Variants in SLC4A9 observed in about 807,000 individuals in gnomAD.
SLC4A9 encodes the protein solute carrier family 4 member 9.
A neutral mutation model predicts 103.2 loss-of-function variants in SLC4A9; 102 were observed. The observed-to-expected ratio is 0.99, with a 90% CI of 0.84 to 1.17. The LOEUF (loss-of-function observed/expected upper bound fraction) is 1.17. SLC4A9 is among the 50% of genes most tolerant of loss of function. The pLI is 0.00. For missense variants in SLC4A9, 1,091 were observed against 1,193.7 expected (o/e 0.91, Z 1.27); for synonymous variants, 453 against 483.6 (o/e 0.94, Z 0.83).
At chr5:140,368,444 C>T (rs1768215599) in intron 16 of SLC4A9, 143 bp from the exon 17 acceptor site, 2 of 606,138 alleles carry the variant, frequency 3.3e-6, no homozygotes, top group African/African-American at 1.9e-5. Flanking sequence ...AAGCTAAGGG[C>T]TCATCCCTCT....
intron 21 of SLC4A9, among the ~76,000 whole-genome samples, chr5:140,373,572 T>A (rs1386516529): frequency 6.6e-6 from 1 of 152,126 alleles, no homozygotes; most frequent in East Asian, 1.9e-4. Context: ...GGGTGTTCCA[T>A]TTCTAAGAGG....
At position 140,368,456 on chromosome 5, in the gene SLC4A9, G is replaced by C. The variant is rs146748039; in HGVS notation, c.2355-131G>C. The C allele has an allele frequency of 6.9e-3, 4,500 of 649,016 alleles. 35 individuals are homozygous for C. The highest frequency in any genetic ancestry group is 7.4e-3 in the Middle Eastern group (17 of 2,284). The allele number at this position is 649,016 out of a possible 1,614,324, so 40.2% of individuals were successfully genotyped here. ...ATCAAGCTAAGGGCTCATCCCTCTG[G>C]GTGACCTACTGGGGTATTCCTCTAG... On this transcript the variant is annotated intron_variant, in intron 16 of 21. Coordinates refer to ENST00000506757, the MANE Select transcript of SLC4A9 (RefSeq NM_031467.3).
intron 18 of SLC4A9, 34 bp downstream of exon 18, chr5:140,371,197 A>G: frequency 6.3e-7 from 1 of 1,582,698 alleles, no homozygotes; most frequent in Non-Finnish European, 8.6e-7. Flanking sequence ...CAAAAGAAAA[A>G]AGAAGAATAA....
In SLC4A9 at chr5:140,363,797, C is replaced by T. The variant is rs1187789370; in HGVS notation, c.1149C>T (p.Ala383=). The part of the protein sequence containing the change: ...VPWYPSDFLD[A]LHLQCFSAVL... ...GGTACCCCAGCGATTTCTTGGACGC[C>T]CTGCATCTCCAGTGCTTCTCGGCCG... The change falls in exon 9 of 22, where the codon GCC becomes GCT. Residue 383 remains alanine, a synonymous_variant. Transcript: ENST00000506757. The surrounding 1 kb of genome is among the most constrained non-coding windows in gnomAD (Gnocchi z 4.5). 6.2e-7 allele frequency: 1 copy of T among 1,613,958 alleles called. No homozygotes were observed. Among genetic ancestry groups the T allele is most frequent in the East Asian group, 2.2e-5 (1 of 44,876 alleles).
At chr5:140,368,563 G>A in intron 16 of SLC4A9, 24 bp from the exon 17 acceptor site, 1 of 1,608,764 alleles carries the variant, frequency 6.2e-7, no homozygotes, top group Non-Finnish European at 8.5e-7. Context: ...CCAGACCTCA[G>A]CTAACTCCTC....
In SLC4A9 at chr5:140,361,434, C is replaced by G. The variant is rs1767071908; in HGVS notation, c.505+67C>G. The G allele has an allele frequency of 8.5e-6, 11 of 1,295,794 alleles. No individual in the cohort carries two copies. In the South Asian group the frequency reaches 1.5e-4, roughly 17 times the overall value. The allele number at this position is 1,295,794 out of a possible 1,614,324, so 80.3% of individuals were successfully genotyped here. On this transcript the variant is annotated intron_variant, in intron 3 of 21. Transcript: ENST00000506757. ...GGCAGGGTCTCAGATCTCCCCTGCA[C>G]CTTCCAGGGCTAGAAGTAGCCCAGG...
rs751158024 is a variant in SLC4A9, at chr5:140,365,956, CCTTA to C, written c.1837_1840del (p.Thr613LeufsTer11). On this transcript the variant is annotated frameshift_variant, in exon 13 of 22. Coordinates refer to ENST00000506757, the MANE Select transcript of SLC4A9 (RefSeq NM_031467.3). LOFTEE classifies it high-confidence loss of function. ...TTGCCTTCTTCTCCCTTCTCCTCTT[CCTTA>C]CTTCTTTCTTCTTTGCTATGGCCCT... The C allele has an allele frequency of 2.5e-6, 4 of 1,613,920 alleles. No individual in the cohort carries two copies. Among genetic ancestry groups the C allele is most frequent in the African/African-American group, 1.3e-5 (1 of 74,952 alleles).
chr5:140,364,316 A>G, intron 10 of SLC4A9, 47 bp from the exon 11 acceptor site: 1 of 1,608,138 alleles, frequency 6.2e-7, no homozygotes, highest in Non-Finnish European at 8.5e-7. Flanking sequence ...TTTAGTGGGA[A>G]GCAGACAGCC....
chr5:140,373,468 G>T (rs1040426520), intron 21 of SLC4A9, among the ~76,000 whole-genome samples: 70 of 152,266 alleles, frequency 4.6e-4, no homozygotes, highest in African/African-American at 1.6e-3. Flanking sequence ...GGAATAACAG[G>T]GGCCATGGGA....
At chr5:140,374,567 A>AC (rs1769227915) in intron 21 of SLC4A9, among the ~76,000 whole-genome samples, 1 of 150,912 alleles carries the variant, frequency 6.6e-6, no homozygotes, top group Admixed American at 6.6e-5. Flanking sequence ...AAAAAAAAAA[A>AC]AAAAAAAAGC....
rs1189562192 is a variant in SLC4A9, at chr5:140,365,577, T to G, written c.1709T>G (p.Met570Arg). 6.2e-7 allele frequency: 1 copy of G among 1,611,360 alleles called. No individual in the cohort carries two copies. The highest frequency in any genetic ancestry group is 1.1e-5 in the South Asian group (1 of 90,470). ...RPKDRDDIVS[M>R]DLGLINASLL... ...AAAGACAGAGACGACATTGTAAGCA[T>G]GGTGAGGGACTGCTCCTGGGAGGTT... Residue 570 changes from methionine (M) to arginine (R), a missense_variant and splice_region_variant, in exon 12 of 22, where the codon ATG (methionine) becomes AGG (arginine). Met to Arg is a moderately conservative substitution (Grantham distance 91, BLOSUM62 -1). Transcript: ENST00000506757.
chr5:140,365,467 G>A (rs750331582), intron 11 of SLC4A9, 53 bp from the exon 12 acceptor site: 832 of 1,520,062 alleles, frequency 5.5e-4, no homozygotes, highest in East Asian at 7.0e-4. Context: ...TATGGGGCTG[G>A]AGGAGGTTCC....
chr5:140,361,043 C>G (rs1489443813), intron 2 of SLC4A9, 71 bp downstream of exon 2: 8 of 1,417,528 alleles, frequency 5.6e-6, no homozygotes, highest in South Asian at 1.4e-5. Context: ...CCTCCAAAGT[C>G]TTGAAATCTT....
intron 17 of SLC4A9, 88 bp from the exon 18 acceptor site, chr5:140,371,007 T>C (rs1381446121): frequency 1.7e-6 from 2 of 1,174,446 alleles, no homozygotes; most frequent in Non-Finnish European, 1.2e-6. Flanking sequence ...TGCTAGATGC[T>C]AGAGGGATCT....
intron 6 of SLC4A9, 78 bp downstream of exon 6, chr5:140,362,610 GGGCTCA>G: frequency 1.6e-5 from 22 of 1,377,530 alleles, no homozygotes; most frequent in Non-Finnish European, 2.1e-5. Context: ...ATACATGCAT[GGGCTCA>G]TGTGAGTGTG....
Position 140,360,401 on chromosome 5 carries a change from G to C in SLC4A9, c.165G>C (p.Leu55=). 1 of 1,602,968 alleles carries C rather than the reference G, an allele frequency of 6.2e-7. No individual in the cohort carries two copies. The highest frequency in any genetic ancestry group is 8.5e-7 in the Non-Finnish European group (1 of 1,174,544). Residue 55 remains leucine (L), a synonymous_variant, in exon 1 of 22, where the codon CTG becomes CTC. Coordinates refer to ENST00000506757, the MANE Select transcript of SLC4A9 (RefSeq NM_031467.3). The stretch of plus-strand genomic sequence containing the variant: ...AACTGGGAGTACCCAAAGACCCTCT[G>C]CTCTTCATTCAGCTGAATGAGCTGC... ...SKELGVPKDP[L]LFIQLNELLG...
chr5:140,372,503 G>C, intron 20 of SLC4A9, 106 bp downstream of exon 20: 3 of 1,523,050 alleles, frequency 2.0e-6, no homozygotes, highest in East Asian at 4.8e-5. Context: ...CCGCAGATCT[G>C]ATCAACAGTC....
In SLC4A9 at chr5:140,363,029, A is replaced by G. The variant is rs1767335589; in HGVS notation, c.925A>G (p.Ile309Val). Reference protein sequence around the residue: ...PPGRWDPTARIPPPKCLPSQH... With the variant: ...PPGRWDPTARVPPPKCLPSQH... The stretch of plus-strand genomic sequence containing the variant: ...AGGTCGGTGGGACCCAACAGCCCGG[A>G]TTCCCCCGCCCAAATGTCTGCCATC... The change falls in exon 7 of 22, where the codon ATT (isoleucine) becomes GTT (valine). Residue 309 changes from isoleucine (I) to valine (V), a missense_variant. Coordinates refer to ENST00000506757, the MANE Select transcript of SLC4A9 (RefSeq NM_031467.3). The surrounding 1 kb of genome is among the most constrained non-coding windows in gnomAD (Gnocchi z 4.5). The G allele has an allele frequency of 6.2e-7, 1 of 1,613,102 alleles. No homozygotes were observed. The highest frequency in any genetic ancestry group is 1.3e-5 in the African/African-American group (1 of 74,798).
chr5:140,372,259 G>T lies in SLC4A9; in HGVS notation c.2688G>T (p.Gly896=). 6.4e-7 allele frequency: 1 copy of T among 1,568,198 alleles called. No individual in the cohort carries two copies. The highest frequency in any genetic ancestry group is 1.2e-5 in the South Asian group (1 of 83,866). The part of the protein sequence containing the change: ...IFPLMLLGLV[G]VRKALERVFS... ...TCCTGCAGTTGCTGGGCCTTGTGGGGGTCCGAAAGGCCCTGGAGAGGGTCT... is the reference window on the plus strand; with the variant it reads ...TCCTGCAGTTGCTGGGCCTTGTGGGTGTCCGAAAGGCCCTGGAGAGGGTCT... Residue 896 remains glycine, a synonymous_variant, in exon 20 of 22, where the codon GGG becomes GGT. Coordinates refer to ENST00000506757, the MANE Select transcript of SLC4A9 (RefSeq NM_031467.3).
Sources: gnomAD v4.1 joint callset for allele counts (sites outside exome capture counted in the v4.1 genomes callset) on GRCh38, gnomAD v4.1.1 for gene constraint, Gnocchi (gnomAD v3.1) non-coding constraint, MANE v1.5 for transcripts, NCBI Gene and HGNC (gene_info 2026-07-23, HGNC 2026-07-21) for gene names.